The following TBC1D8B variants were observed in gnomAD, a reference collection of about 807,000 sequenced individuals.
The protein encoded by TBC1D8B is RP11-321G1.1.
A neutral mutation model predicts 82.9 loss-of-function variants in TBC1D8B; 75 were observed. The observed-to-expected ratio is 0.90, with a 90% CI of 0.75 to 1.10. The LOEUF is 1.10. Among genes scored for constraint, TBC1D8B ranks in the 50% least tolerant of loss-of-function variants. The pLI, the probability that TBC1D8B is intolerant of heterozygous loss-of-function variation, is 0.00. For missense variants in TBC1D8B, 794 were observed against 796.9 expected, an observed-to-expected ratio of 1.00 and a Z score of 0.04; for synonymous variants, 276 against 276.8, an observed-to-expected ratio of 1.00 and a Z score of 0.03.
In TBC1D8B at chrX:106,838,129, T is replaced by A. The variant is rs1932219584; in HGVS notation, c.1204-1179T>A. On this transcript the variant is annotated intron_variant, in intron 7 of 20. Transcript: ENST00000357242. ...TTCCTTGGTGAGGTATCTATTTAGATCTTTTGCCCACTTTTTAATGGGTCC... is the reference window on the plus strand; with the variant it reads ...TTCCTTGGTGAGGTATCTATTTAGAACTTTTGCCCACTTTTTAATGGGTCC... Among the ~76,000 whole-genome samples the A allele has an allele frequency of 2.7e-5, 3 of 111,820 alleles. No individual in the cohort carries two copies. In the South Asian group the frequency reaches 1.1e-3, roughly 42 times the overall value.
At chrX:106,837,441 G>A (rs1032828011) in intron 7 of TBC1D8B, among the ~76,000 whole-genome samples, 7 of 111,856 alleles carry the variant, frequency 6.3e-5, no homozygotes, top group African/African-American at 2.3e-4. Flanking sequence ...CACATTAAAA[G>A]ATTTTTCATA....
At chrX:106,852,067 C>T (rs112596459) in intron 12 of TBC1D8B, among the ~76,000 whole-genome samples, 1 of 109,271 alleles carries the variant, frequency 9.2e-6, no homozygotes, top group Non-Finnish European at 1.9e-5. Context: ...CACATCCTCT[C>T]CAGTACCTGT....
chrX:106,808,355 T>C (rs779116006), intron 1 of TBC1D8B, among the ~76,000 whole-genome samples: 1 of 111,894 alleles, frequency 8.9e-6, no homozygotes, highest in Admixed American at 9.5e-5. Flanking sequence ...TTGACATTTA[T>C]CTATTAATGA....
intron 5 of TBC1D8B, among the ~76,000 whole-genome samples, chrX:106,825,417 C>T (rs979214596): frequency 3.6e-5 from 4 of 111,698 alleles, no homozygotes; most frequent in African/African-American, 1.3e-4. Flanking sequence ...ACAAAGGCTA[C>T]ATTTGTCTAT....
intron 7 of TBC1D8B, among the ~76,000 whole-genome samples, chrX:106,830,688 C>T (rs921186089): frequency 2.8e-5 from 3 of 106,593 alleles, no homozygotes; most frequent in Admixed American, 2.0e-4. Flanking sequence ...AGTAAACTAT[C>T]GCAAGGACAA....
At chrX:106,831,548 T>A (rs975626167) in intron 7 of TBC1D8B, among the ~76,000 whole-genome samples, 1 of 112,026 alleles carries the variant, frequency 8.9e-6, no homozygotes, top group African/African-American at 3.2e-5. Context: ...TGTTCTGTTC[T>A]ATTTCACATT....
chrX:106,863,682 C>T (rs770193571), intron 14 of TBC1D8B, among the ~76,000 whole-genome samples: 1 of 112,244 alleles, frequency 8.9e-6, no homozygotes, highest in African/African-American at 3.2e-5. Context: ...TAGGCAGAAG[C>T]TGGACCACTG....
At chrX:106,816,070 G>T (rs1271584757) in intron 1 of TBC1D8B, among the ~76,000 whole-genome samples, 2 of 111,127 alleles carry the variant, frequency 1.8e-5, no homozygotes, top group Non-Finnish European at 3.8e-5. Context: ...GGGCAATTAG[G>T]CAGGAGAAGG....
chrX:106,837,168 G>T (rs1932193809), intron 7 of TBC1D8B, among the ~76,000 whole-genome samples: 1 of 111,595 alleles, frequency 9.0e-6, no homozygotes, highest in Non-Finnish European at 1.9e-5. Context: ...AAAAGCATGT[G>T]ACCTTAAAGA....
At chrX:106,842,777 C>A (rs766721259) in intron 10 of TBC1D8B, among the ~76,000 whole-genome samples, 2 of 110,858 alleles carry the variant, frequency 1.8e-5, no homozygotes, top group Admixed American at 9.7e-5. Context: ...GTTGTGCAAA[C>A]CTTCACCATT....
At chrX:106,805,332 C>T (rs1450222369) in intron 1 of TBC1D8B, among the ~76,000 whole-genome samples, 1 of 108,961 alleles carries the variant, frequency 9.2e-6, no homozygotes, top group Non-Finnish European at 1.9e-5. Flanking sequence ...GATCCTCCCA[C>T]TTTGGTCTCC....
chrX:106,814,116 T>C (rs1333196071), intron 1 of TBC1D8B: 1 of 110,305 alleles, frequency 9.1e-6, no homozygotes, highest in Non-Finnish European at 1.9e-5. Context: ...TGTTTGGTTT[T>C]TTGTCCTTGC....
At chrX:106,840,636 C>T (rs1932281461) in intron 9 of TBC1D8B, 34 bp from the exon 10 acceptor site, 2 of 1,129,255 alleles carry the variant, frequency 1.8e-6, no homozygotes, top group African/African-American at 3.6e-5. Context: ...TTATATCCAC[C>T]TTCTGTTGTA....
At chrX:106,808,548 AT>A (rs1248097680) in intron 1 of TBC1D8B, among the ~76,000 whole-genome samples, 4 of 112,367 alleles carry the variant, frequency 3.6e-5, no homozygotes, top group Middle Eastern at 4.6e-3. Flanking sequence ...ATAGTTACTA[AT>A]TGAAGAATTT....
Position 106,854,184 on chromosome X carries a change from C to G in TBC1D8B, c.2254-14C>G. 2 of 1,111,542 alleles carry G rather than the reference C, an allele frequency of 1.8e-6. No homozygotes were observed. The highest frequency in any genetic ancestry group is 2.4e-6 in the Non-Finnish European group (2 of 833,802). The allele number at this position is 1,111,542 out of a possible 1,213,427, so 91.6% of individuals were successfully genotyped here. ...ATTATGAGTGAGTAGCCACTGAAAT[C>G]ATATCTCTTGCAGAAATATGGTAAT... On this transcript the variant is annotated splice_polypyrimidine_tract_variant and intron_variant, in intron 13 of 20. Transcript: ENST00000357242.
At chrX:106,839,581 C>G in intron 8 of TBC1D8B, 124 bp downstream of exon 8, 1 of 617,731 alleles carries the variant, frequency 1.6e-6, no homozygotes, top group East Asian at 3.6e-5. Flanking sequence ...AGTTTTCCAG[C>G]AGGTACTACT....
At chrX:106,816,542 A>G (rs756389640) in intron 1 of TBC1D8B, among the ~76,000 whole-genome samples, 2 of 110,233 alleles carry the variant, frequency 1.8e-5, no homozygotes, top group African/African-American at 6.6e-5. Context: ...CCTCATCCTC[A>G]TTCCCATTGT....
At chrX:106,859,273 G>A (rs1238045043) in intron 14 of TBC1D8B, among the ~76,000 whole-genome samples, 1 of 111,937 alleles carries the variant, frequency 8.9e-6, no homozygotes, top group East Asian at 2.8e-4. Flanking sequence ...GATAGGAATA[G>A]CACTGAATCT....
chrX:106,827,975 C>T (rs1386092775), intron 7 of TBC1D8B: 1 of 111,159 alleles, frequency 9.0e-6, no homozygotes, highest in Non-Finnish European at 1.9e-5. Flanking sequence ...ACACAAAAAA[C>T]CCTTCAAAAA....
Sources: gnomAD v4.1 joint callset for allele counts (sites outside exome capture counted in the v4.1 genomes callset) on GRCh38, gnomAD v4.1.1 for gene constraint, MANE v1.5 for transcripts, NCBI Gene and HGNC (gene_info 2026-07-23, HGNC 2026-07-21) for gene names.